Variants in AFAP1L2 observed in about 807,000 individuals in gnomAD.
AFAP1L2 encodes actin filament associated protein 1 like 2.
In AFAP1L2, 46 loss-of-function variants were observed where a neutral mutation model predicts 99.3. The observed-to-expected ratio is 0.46, with a 90% CI of 0.37 to 0.59. The LOEUF is 0.59. AFAP1L2 is among the 20% of genes least tolerant of loss of function. The pLI is 0.00. For missense variants in AFAP1L2, 959 were observed against 1,034.9 expected (o/e 0.93, Z 1.01); for synonymous variants, 397 against 419.1 (o/e 0.95, Z 0.64).
intron 2 of AFAP1L2, among the ~76,000 whole-genome samples, chr10:114,338,934 T>C (rs2048368521): frequency 6.6e-6 from 1 of 152,366 alleles, no homozygotes; most frequent in South Asian, 2.1e-4. Flanking sequence ...GGTTCTGTAA[T>C]TTACAAAGTC....
rs531489127 is a variant in AFAP1L2 at position 114,361,879 on chromosome 10, T to C, written c.17-21148A>G. 3.9e-5 allele frequency among the ~76,000 whole-genome samples: 6 copies of C among 152,344 alleles called. No homozygotes were observed. The South Asian group carries it at 1.0e-3, about 26-fold the overall frequency. ...TAGAATTAGGTTATATTAGCTTTTC[T>C]GCACCTCTTGGATGAGGCTCCATGC... On this transcript the variant is annotated intron_variant, in intron 1 of 18. Coordinates refer to ENST00000304129, the MANE Select transcript of AFAP1L2 (RefSeq NM_001001936.3).
In AFAP1L2 at chr10:114,371,639, A is replaced by T. The variant is rs1395315492; in HGVS notation, c.17-30908T>A. On this transcript the variant is annotated intron_variant, in intron 1 of 18. Transcript: ENST00000304129. ...GAACACATGGACACAGGGAGGGAAC[A>T]TTACACACTGGGGCCTGTTGTGGGG... Among the ~76,000 whole-genome samples, 2 of 150,050 alleles carry T rather than the reference A, an allele frequency of 1.3e-5. 1 individual carries two copies. The highest frequency in any genetic ancestry group is 1.3e-4 in the Admixed American group (2 of 15,108).
intron 11 of AFAP1L2, among the ~76,000 whole-genome samples, chr10:114,303,808 G>T (rs957226861): frequency 2.0e-5 from 3 of 152,130 alleles, no homozygotes; most frequent in Admixed American, 6.5e-5. Flanking sequence ...AGCCATCAGG[G>T]CTCCGTTGCT....
At chr10:114,332,601 G>A (rs888658268) in intron 3 of AFAP1L2, among the ~76,000 whole-genome samples, 2 of 152,178 alleles carry the variant, frequency 1.3e-5, no homozygotes, top group Non-Finnish European at 2.9e-5. Context: ...GTTAGGAATT[G>A]GAGCTTCTTA....
At chr10:114,296,927 C>T (rs775928778) in intron 18 of AFAP1L2, 51 bp downstream of exon 18, 26 of 1,613,364 alleles carry the variant, frequency 1.6e-5, no homozygotes, top group Non-Finnish European at 2.2e-5. Flanking sequence ...TGGGCCCCTA[C>T]CTTAGTGACA....
intron 1 of AFAP1L2, among the ~76,000 whole-genome samples, chr10:114,349,898 T>C (rs2050208866): frequency 6.6e-6 from 1 of 152,184 alleles, no homozygotes; most frequent in African/African-American, 2.4e-5. Context: ...TGCCATCATT[T>C]TTGCAAGATC....
intron 5 of AFAP1L2, among the ~76,000 whole-genome samples, chr10:114,322,289 C>A (rs2045486040): frequency 6.6e-6 from 1 of 152,108 alleles, no homozygotes; most frequent in South Asian, 2.1e-4. Context: ...CCTAAGTAAC[C>A]CTCTGGAGGT....
chr10:114,311,137 CTG>C (rs1361401348), intron 7 of AFAP1L2, among the ~76,000 whole-genome samples: 1 of 152,148 alleles, frequency 6.6e-6, no homozygotes, highest in Non-Finnish European at 1.5e-5. Context: ...GCGTGAGACT[CTG>C]GGAAGGGAGG....
At chr10:114,347,583 C>T (rs907731218) in intron 1 of AFAP1L2, among the ~76,000 whole-genome samples, 22 of 152,196 alleles carry the variant, frequency 1.4e-4, no homozygotes, top group African/African-American at 4.8e-4. Context: ...TCAAGTGAGT[C>T]TCCTTGAGTA....
rs1290758292 is a variant in AFAP1L2, at chr10:114,377,058, T to C, written c.16+27382A>G. On this transcript the variant is annotated intron_variant, in intron 1 of 18. Coordinates refer to ENST00000304129, the MANE Select transcript of AFAP1L2 (RefSeq NM_001001936.3). The surrounding 1 kb of genome is among the most constrained non-coding windows in gnomAD (Gnocchi z 4.0). ...TGTTTTCAAATATCACTGGGGGCATTATACAAGACAAGGTCATAATACATG... is the reference window on the plus strand; with the variant it reads ...TGTTTTCAAATATCACTGGGGGCATCATACAAGACAAGGTCATAATACATG... 6.6e-6 allele frequency among the ~76,000 whole-genome samples: 1 copy of C among 152,188 alleles called. No individual in the cohort carries two copies. Among genetic ancestry groups the C allele is most frequent in the Non-Finnish European group, 1.5e-5 (1 of 68,030 alleles).
chr10:114,303,408 A>G (rs1455998060), intron 11 of AFAP1L2, among the ~76,000 whole-genome samples: 1 of 152,164 alleles, frequency 6.6e-6, no homozygotes, highest in Non-Finnish European at 1.5e-5. Flanking sequence ...CCCGGCTTCA[A>G]GCAATTCTCC....
chr10:114,404,650 C>A (rs993217617), upstream of AFAP1L2: 9 of 714,174 alleles, frequency 1.3e-5, no homozygotes, highest in African/African-American at 1.1e-4. Flanking sequence ...CCTGTCCCAG[C>A]GCCCCTGTCC....
At chr10:114,352,536 C>T (rs1185825683) in intron 1 of AFAP1L2, among the ~76,000 whole-genome samples, 2 of 131,808 alleles carry the variant, frequency 1.5e-5, no homozygotes, top group East Asian at 5.1e-4. Flanking sequence ...TACAGAACTA[C>T]TAAATTATGT....
At chr10:114,366,364 G>A (rs1294939703) in intron 1 of AFAP1L2, among the ~76,000 whole-genome samples, 1 of 152,130 alleles carries the variant, frequency 6.6e-6, no homozygotes, top group Non-Finnish European at 1.5e-5. Context: ...AAGACCCAAG[G>A]GCAGAGATGA....
chr10:114,365,170 C>T (rs957766364), intron 1 of AFAP1L2, among the ~76,000 whole-genome samples: 1 of 152,210 alleles, frequency 6.6e-6, no homozygotes, highest in Non-Finnish European at 1.5e-5. Context: ...TGCCTCTCCT[C>T]TCCTACTTCC....
rs1482104538 is a variant in AFAP1L2, at chr10:114,295,948, CAG to C, written c.*92_*93del. The stretch of plus-strand genomic sequence containing the variant: ...CTCAGTCTTTGCTTTTTCTTCTAAA[CAG>C]ACTCACCCTTTCGCATAGTTTTTGC... On this transcript the variant is annotated 3_prime_UTR_variant, in exon 19 of 19. Transcript: ENST00000304129. 3.1e-6 allele frequency: 5 copies of C among 1,607,720 alleles called. No homozygotes were observed. The African/African-American group carries it at 5.3e-5, about 17-fold the overall frequency.
the AFAP1L2 span, among the ~76,000 whole-genome samples, chr10:114,283,706 A>G: frequency 6.6e-6 from 1 of 152,196 alleles, no homozygotes; most frequent in Non-Finnish European, 1.5e-5. Context: ...ATGAAATGGG[A>G]CCATGCGTGT....
At chr10:114,366,689 C>T (rs139658856) in intron 1 of AFAP1L2, among the ~76,000 whole-genome samples, 553 of 152,242 alleles carry the variant, frequency 3.6e-3, no homozygotes, top group African/African-American at 0.013. Flanking sequence ...ATTCCTTGGC[C>T]GGGCGCGGTG....
intron 1 of AFAP1L2, among the ~76,000 whole-genome samples, chr10:114,345,637 G>A (rs528303915): frequency 5.3e-5 from 8 of 152,184 alleles, no homozygotes; most frequent in Non-Finnish European, 7.3e-5. Flanking sequence ...GATGAGTAGC[G>A]GCACGGGGGA....
Sources: allele counts gnomAD v4.1 joint callset (sites outside exome capture counted in the v4.1 genomes callset), GRCh38; gene constraint gnomAD v4.1.1; non-coding constraint Gnocchi (gnomAD v3.1); transcripts MANE v1.5; gene names NCBI Gene and HGNC (gene_info 2026-07-23, HGNC 2026-07-21).